Variants in CHCHD3 observed in about 807,000 individuals in gnomAD.
CHCHD3 encodes the protein coiled-coil-helix-coiled-coil-helix domain containing 3.
In CHCHD3, 20 loss-of-function variants were observed where a neutral mutation model predicts 38.2. The observed-to-expected ratio is 0.52, with a 90% CI of 0.37 to 0.76. The LOEUF (loss-of-function observed/expected upper bound fraction) is 0.76. CHCHD3 is among the 30% of genes least tolerant of loss of function. The pLI is 0.00. For missense variants in CHCHD3, 245 were observed against 279.2 expected, an observed-to-expected ratio of 0.88 and a Z score of 0.87; for synonymous variants, 82 against 100.0, an observed-to-expected ratio of 0.82 and a Z score of 1.07.
At chr7:132,852,318 G>A (rs908425567) in intron 5 of CHCHD3, among the ~76,000 whole-genome samples, 1 of 152,162 alleles carries the variant, frequency 6.6e-6, no homozygotes, top group Non-Finnish European at 1.5e-5. Flanking sequence ...ATTGGACAGA[G>A]AGCTCCAAAC....
At chr7:132,897,883 A>G (rs541991565) in intron 4 of CHCHD3, among the ~76,000 whole-genome samples, 3 of 152,270 alleles carry the variant, frequency 2.0e-5, no homozygotes, top group South Asian at 4.2e-4. Context: ...GGACCCTCGC[A>G]GTGAGTGTTA....
chr7:133,037,596 T>C (rs1813715302), intron 2 of CHCHD3, among the ~76,000 whole-genome samples: 1 of 152,100 alleles, frequency 6.6e-6, no homozygotes, highest in Non-Finnish European at 1.5e-5. Context: ...GCGGATCACC[T>C]GAGGTCAGGA....
intron 6 of CHCHD3, among the ~76,000 whole-genome samples, chr7:132,822,108 T>A (rs1807392994): frequency 6.6e-6 from 1 of 152,236 alleles, no homozygotes; most frequent in South Asian, 2.1e-4. Flanking sequence ...TTTTCATTTG[T>A]CTTGTCGTCT....
chr7:132,949,322 TAAAAG>T lies in CHCHD3; in HGVS notation c.369+25842_369+25846del, dbSNP rs200912449. 4.1e-4 allele frequency among the ~76,000 whole-genome samples: 63 copies of T among 152,214 alleles called. No individual in the cohort carries two copies. The East Asian group carries it at 6.4e-3, about 15-fold the overall frequency. Reference sequence around the variant, plus strand: ...CAAGCACGCCTCCCAGGACTCATCTTAAAAGAGAGAGGACAAACGCCTATTTCCTG... The same window carrying T: ...CAAGCACGCCTCCCAGGACTCATCTTAGAGAGGACAAACGCCTATTTCCTG... On this transcript the variant is annotated intron_variant, in intron 4 of 7. Coordinates refer to ENST00000262570, the MANE Select transcript of CHCHD3 (RefSeq NM_017812.4).
chr7:132,985,886 A>C (rs1812105064), intron 3 of CHCHD3, among the ~76,000 whole-genome samples: 1 of 119,732 alleles, frequency 8.4e-6, no homozygotes, highest in South Asian at 2.6e-4. Flanking sequence ...CCCGGCCACC[A>C]CCCCGTCTGG....
At chr7:132,874,695 A>T (rs1808853785) in intron 5 of CHCHD3, among the ~76,000 whole-genome samples, 1 of 152,264 alleles carries the variant, frequency 6.6e-6, no homozygotes, top group South Asian at 2.1e-4. Flanking sequence ...ACATGGGAAG[A>T]TCAAGGAGAA....
At chr7:132,974,469 C>T (rs1811705819) in intron 4 of CHCHD3, among the ~76,000 whole-genome samples, 1 of 152,184 alleles carries the variant, frequency 6.6e-6, no homozygotes, top group Non-Finnish European at 1.5e-5. Flanking sequence ...CCTTACTCAC[C>T]TTTGCCAGAG....
chr7:133,075,097 T>C (rs977559231), intron 1 of CHCHD3, among the ~76,000 whole-genome samples: 4 of 152,242 alleles, frequency 2.6e-5, no homozygotes, highest in African/African-American at 4.8e-5. Context: ...CTATGCTCTC[T>C]AGGTAGTAGG....
At chr7:132,980,889 G>T (rs1257027483) in intron 3 of CHCHD3, among the ~76,000 whole-genome samples, 1 of 152,174 alleles carries the variant, frequency 6.6e-6, no homozygotes, top group Non-Finnish European at 1.5e-5. Context: ...AAGTTTTTAA[G>T]AAAGTAGAAA....
At chr7:132,835,290 C>A (rs568980480) in intron 6 of CHCHD3, among the ~76,000 whole-genome samples, 10 of 152,224 alleles carry the variant, frequency 6.6e-5, no homozygotes, top group African/African-American at 2.4e-4. Context: ...CTGAGAATAA[C>A]AATTTCTATC....
At chr7:132,957,306 C>T (rs543837153) in intron 4 of CHCHD3, among the ~76,000 whole-genome samples, 11 of 152,198 alleles carry the variant, frequency 7.2e-5, no homozygotes, top group Non-Finnish European at 1.2e-4. Context: ...CCCATCTACT[C>T]GAAAGGTGCC....
At chr7:132,983,877 T>C (rs1224543956) in intron 3 of CHCHD3, among the ~76,000 whole-genome samples, 1 of 152,236 alleles carries the variant, frequency 6.6e-6, no homozygotes, top group African/African-American at 2.4e-5. Flanking sequence ...AAGCCTTCAA[T>C]GCAGCTATGC....
chr7:133,035,665 C>G lies in CHCHD3; in HGVS notation c.170-11038G>C. ...TGGGCTGCTGCCTCTGGAGTACTTC[C>G]CCGCAGCTCCTCATTGCTCACATAG... On this transcript the variant is annotated intron_variant, in intron 2 of 7. Coordinates refer to ENST00000262570, the MANE Select transcript of CHCHD3 (RefSeq NM_017812.4). The surrounding 1 kb of genome is among the most constrained non-coding windows in gnomAD (Gnocchi z 4.7). 2 of 1,612,242 alleles carry G rather than the reference C, an allele frequency of 1.2e-6. No individual in the cohort carries two copies. Among genetic ancestry groups the G allele is most frequent in the East Asian group, 4.5e-5 (2 of 44,822 alleles).
chr7:132,967,221 CT>C (rs1171168178), intron 4 of CHCHD3, among the ~76,000 whole-genome samples: 16 of 152,196 alleles, frequency 1.1e-4, no homozygotes, highest in Admixed American at 8.5e-4. Flanking sequence ...GTTATTCCCC[CT>C]AGCTGTCCTT....
chr7:132,980,220 C>G (rs1190417815), intron 3 of CHCHD3, among the ~76,000 whole-genome samples: 1 of 152,154 alleles, frequency 6.6e-6, no homozygotes, highest in Non-Finnish European at 1.5e-5. Flanking sequence ...GGAGAGAAGA[C>G]CCAGGCTCTC....
chr7:132,965,231 CAAAG>C (rs1319831658), intron 4 of CHCHD3, among the ~76,000 whole-genome samples: 2 of 152,060 alleles, frequency 1.3e-5, no homozygotes, highest in African/African-American at 4.8e-5. Flanking sequence ...ACGTTAAAAA[CAAAG>C]AACAACAACA....
At chr7:132,813,462 A>G (rs1200381152) in intron 6 of CHCHD3, 1 of 152,180 alleles carries the variant, frequency 6.6e-6, no homozygotes, top group East Asian at 1.9e-4. Context: ...TGATCTCTCT[A>G]AGATGCAAAT....
intron 4 of CHCHD3, 78 bp from the exon 5 acceptor site, chr7:132,885,823 T>G: frequency 2.0e-6 from 2 of 1,013,728 alleles, no homozygotes; most frequent in Non-Finnish European, 1.4e-6. Flanking sequence ...TAAATTGCAT[T>G]AGAAATAAGA....
intron 7 of CHCHD3, among the ~76,000 whole-genome samples, chr7:132,792,487 T>C (rs1806487021): frequency 6.6e-6 from 1 of 152,072 alleles, no homozygotes; most frequent in Admixed American, 6.6e-5. Flanking sequence ...AGCAGACCAA[T>C]CAGAAATGCA....
Sources: allele counts gnomAD v4.1 joint callset (sites outside exome capture counted in the v4.1 genomes callset), GRCh38; gene constraint gnomAD v4.1.1; non-coding constraint Gnocchi (gnomAD v3.1); transcripts MANE v1.5; gene names NCBI Gene and HGNC (gene_info 2026-07-23, HGNC 2026-07-21).